The following COL28A1 variants were observed in gnomAD, a reference collection of about 807,000 sequenced individuals.
The protein encoded by COL28A1 is collagen alpha-1(XXVIII) chain.
In COL28A1, 161 loss-of-function variants were observed where a neutral mutation model predicts 150.2. The ratio of observed to expected loss-of-function variants is 1.07; its 90% CI spans 0.94 to 1.22. The LOEUF (loss-of-function observed/expected upper bound fraction) is 1.22. COL28A1 is among the 50% of genes most tolerant of loss of function. COL28A1 has a pLI of 0.00. For missense variants in COL28A1, 1,617 were observed against 1,388.3 expected, an observed-to-expected ratio of 1.16 and a Z score of -2.62; for synonymous variants, 552 against 469.7, an observed-to-expected ratio of 1.18 and a Z score of -2.26.
chr7:7,473,619 A>T (rs1226946850), intron 15 of COL28A1, among the ~76,000 whole-genome samples: 1 of 152,206 alleles, frequency 6.6e-6, no homozygotes, highest in Non-Finnish European at 1.5e-5. Context: ...AGTATGGAAA[A>T]CAGTGTGGAG....
At chr7:7,509,948 C>T (rs1255444415) in intron 9 of COL28A1, among the ~76,000 whole-genome samples, 1 of 152,178 alleles carries the variant, frequency 6.6e-6, no homozygotes, top group African/African-American at 2.4e-5. Context: ...TTTAACTCTA[C>T]AGTACTTTAA....
intron 11 of COL28A1, among the ~76,000 whole-genome samples, chr7:7,504,068 C>T (rs1306472422): frequency 6.6e-6 from 1 of 152,166 alleles, no homozygotes; most frequent in African/African-American, 2.4e-5. Flanking sequence ...CCACAAAGTG[C>T]TATTATGTCA....
At chr7:7,363,937 C>T (rs951201107) in intron 33 of COL28A1, among the ~76,000 whole-genome samples, 9 of 152,106 alleles carry the variant, frequency 5.9e-5, no homozygotes, top group Non-Finnish European at 1.0e-4. Context: ...TGAGCCACCA[C>T]GCCCAGCCTC....
rs1057378514 is a variant in COL28A1, at chr7:7,380,553, A to G, written c.2322+107T>C. On this transcript the variant is annotated intron_variant, in intron 30 of 34. Transcript: ENST00000399429. Reference sequence around the variant, plus strand: ...GTAGTAGTTGATCTCATTTAAATAGAAACTGGGATTCTGCATCCAAAAAAT... The same window carrying G: ...GTAGTAGTTGATCTCATTTAAATAGGAACTGGGATTCTGCATCCAAAAAAT... 14 of 930,858 alleles carry G rather than the reference A, an allele frequency of 1.5e-5. No individual in the cohort carries two copies. The Admixed American group carries it at 2.9e-4, about 19-fold the overall frequency. 57.7% of individuals were successfully genotyped at this position (930,858 alleles called of 1,614,324 possible). A position where few individuals can be genotyped will look rare whatever the true frequency, so the allele number is the denominator to read the frequency against.
At chr7:7,378,874 C>T (rs73674511) in intron 30 of COL28A1, among the ~76,000 whole-genome samples, 1 of 152,212 alleles carries the variant, frequency 6.6e-6, no homozygotes, top group Non-Finnish European at 1.5e-5. Flanking sequence ...TCTTGTACCA[C>T]AACCCACTAG....
At chr7:7,354,175 G>A (rs1780296527), downstream of COL28A1, among the ~76,000 whole-genome samples, 2 of 151,946 alleles carry the variant, frequency 1.3e-5, no homozygotes, top group Non-Finnish European at 2.9e-5. Context: ...TAAATTTTTT[G>A]TAGAGATGGA....
intron 25 of COL28A1, among the ~76,000 whole-genome samples, chr7:7,428,518 ACAGGAACAGAGTTATCTG>A (rs1402120159): frequency 6.6e-6 from 1 of 152,240 alleles, no homozygotes; most frequent in Admixed American, 6.5e-5. Flanking sequence ...GGGTGAAAAC[ACAGGAACAGAGTTATCTG>A]CAGCTCCTCG....
chr7:7,452,513 C>G, intron 17 of COL28A1, 126 bp from the exon 18 acceptor site: 5 of 1,339,784 alleles, frequency 3.7e-6, no homozygotes, highest in Non-Finnish European at 4.9e-6. Flanking sequence ...TATATATTGC[C>G]TGAAATCCCT....
intron 27 of COL28A1, among the ~76,000 whole-genome samples, chr7:7,383,682 G>GTATATA (rs772285848): frequency 0.25 from 30,878 of 122,742 alleles, 4,570 homozygotes; most frequent in South Asian, 0.34. Flanking sequence ...GTGTGTGTGT[G>GTATATA]TATATATATA....
intron 14 of COL28A1, 112 bp downstream of exon 14, chr7:7,477,000 T>C (rs1788942016): frequency 1.2e-5 from 8 of 687,400 alleles, no homozygotes; most frequent in Middle Eastern, 2.4e-4. Flanking sequence ...GGAATAAAGA[T>C]GGTCAGAAAA....
intron 8 of COL28A1, among the ~76,000 whole-genome samples, chr7:7,512,364 A>C (rs886613332): frequency 6.6e-6 from 1 of 152,178 alleles, no homozygotes; most frequent in African/African-American, 2.4e-5. Context: ...AAGCATTCTC[A>C]CCACAAAAAC....
In COL28A1 at chr7:7,375,452, A is replaced by G; in HGVS notation, c.2359+9T>C. ...TTAAAGTGATGTTTTTTCCTTGATC[A>G]AATCTTACCACATATTTCTGTAATA... On this transcript the variant is annotated intron_variant, in intron 31 of 34. Transcript: ENST00000399429. The G allele has an allele frequency of 6.4e-7, 1 of 1,574,566 alleles. No homozygotes were observed.
At chr7:7,346,142 T>C in the COL28A1 span, among the ~76,000 whole-genome samples, 487 of 151,924 alleles carry the variant, frequency 3.2e-3, 3 homozygotes, top group African/African-American at 0.01. Flanking sequence ...AGCTCTAGTG[T>C]TCTACTATTT....
chr7:7,376,207 T>G (rs1181504057), intron 30 of COL28A1, among the ~76,000 whole-genome samples: 2 of 152,180 alleles, frequency 1.3e-5, no homozygotes, highest in African/African-American at 2.4e-5. Context: ...GAAGGCAGGA[T>G]TCCACATTTG....
rs937883613 is a variant in COL28A1 at position 7,532,761 on chromosome 7, C to A, written c.115G>T (p.Asp39Tyr). 1.0e-5 allele frequency: 16 copies of A among 1,606,776 alleles called. No individual in the cohort carries two copies. Among genetic ancestry groups the A allele is most frequent in the Non-Finnish European group, 1.3e-5 (15 of 1,177,752 alleles). ...PKSNLLARKSDVQGSICFIDI... is the reference protein window; with the variant it reads ...PKSNLLARKSYVQGSICFIDI... ...ATTTTTTTTTTTTTACCCTGGACAT[C>A]ACTTTTCCTTGCAAGCAAATTTGAT... Residue 39 changes from aspartate to tyrosine, a missense_variant, in exon 2 of 35, where the codon GAT (aspartate) becomes TAT (tyrosine). Asp to Tyr is a radical substitution (Grantham distance 160). Coordinates refer to ENST00000399429, the MANE Select transcript of COL28A1 (RefSeq NM_001037763.3).
At chr7:7,541,823 A>T in the COL28A1 span, among the ~76,000 whole-genome samples, 1 of 152,208 alleles carries the variant, frequency 6.6e-6, no homozygotes, top group Non-Finnish European at 1.5e-5. Flanking sequence ...TCATTCACTT[A>T]ACTAACATCA....
intron 8 of COL28A1, among the ~76,000 whole-genome samples, chr7:7,512,732 T>G (rs1444510408): frequency 6.6e-6 from 1 of 152,212 alleles, no homozygotes; most frequent in South Asian, 2.1e-4. Context: ...ATTTTGATCC[T>G]CAATTCAATT....
chr7:7,466,038 C>T (rs1336604676), intron 15 of COL28A1, among the ~76,000 whole-genome samples: 26 of 127,914 alleles, frequency 2.0e-4, no homozygotes, highest in Middle Eastern at 4.0e-3. Context: ...AACTCTAAAA[C>T]GCAGAGCGCC....
At chr7:7,485,510 G>C (rs1462470200) in intron 13 of COL28A1, among the ~76,000 whole-genome samples, 2 of 151,958 alleles carry the variant, frequency 1.3e-5, no homozygotes, top group African/African-American at 2.4e-5. Flanking sequence ...TCATGTTTTT[G>C]GTGACATGTC....
Sources: gnomAD v4.1 joint callset for allele counts (sites outside exome capture counted in the v4.1 genomes callset) on GRCh38, gnomAD v4.1.1 for gene constraint, MANE v1.5 for transcripts, NCBI Gene and HGNC (gene_info 2026-07-23, HGNC 2026-07-21) for gene names.